SPATA1: variants seen among roughly 807,000 people sequenced by gnomAD.
The protein encoded by SPATA1 is spermatogenesis-associated protein 1.
A neutral mutation model predicts 59.6 loss-of-function variants in SPATA1; 57 were observed. The ratio of observed to expected loss-of-function variants is 0.96; its 90% CI spans 0.77 to 1.19. The LOEUF (loss-of-function observed/expected upper bound fraction) is 1.19, where lower values mean the gene tolerates loss of function less well. SPATA1 is among the 50% of genes most tolerant of loss of function. SPATA1 has a pLI of 0.00. For synonymous variants in SPATA1, 147 were observed against 163.9 expected (o/e 0.90, Z 0.79); for missense variants, 448 against 480.7 (o/e 0.93, Z 0.64).
At chr1:84,526,215 T>G (rs1683217604) in intron 6 of SPATA1, 142 bp downstream of exon 6, 1 of 639,256 alleles carries the variant, frequency 1.6e-6, no homozygotes, top group African/African-American at 1.8e-5. Context: ...CTTGGGGATT[T>G]CTAAAAAAAT....
chr1:84,522,642 C>A, intron 4 of SPATA1, 135 bp downstream of exon 4: 1 of 435,072 alleles, frequency 2.3e-6, no homozygotes, highest in South Asian at 8.6e-5. Context: ...ATGGAAATAT[C>A]ATTAAACATA....
intron 1 of SPATA1, among the ~76,000 whole-genome samples, chr1:84,508,467 G>T (rs895803998): frequency 6.6e-6 from 1 of 152,176 alleles, no homozygotes; most frequent in African/African-American, 2.4e-5. Context: ...GATGCTCACT[G>T]TTCAGTTGGT....
chr1:84,513,140 A>G (rs971976141), intron 1 of SPATA1, among the ~76,000 whole-genome samples: 2 of 152,146 alleles, frequency 1.3e-5, no homozygotes, highest in African/African-American at 2.4e-5. Flanking sequence ...GTTTTTTGTT[A>G]CAGAGTTTCG....
intron 1 of SPATA1, among the ~76,000 whole-genome samples, chr1:84,513,500 A>G (rs1682663299): frequency 6.6e-6 from 1 of 152,230 alleles, no homozygotes; most frequent in Non-Finnish European, 1.5e-5. Flanking sequence ...AAGTTAGCAC[A>G]AGCAATGAGG....
chr1:84,526,138 G>C (rs1344344556), intron 6 of SPATA1, 65 bp downstream of exon 6: 1 of 1,376,878 alleles, frequency 7.3e-7, no homozygotes, highest in Non-Finnish European at 1.0e-6. Flanking sequence ...AGTCAAGTCT[G>C]TAAGCAAACC....
intron 1 of SPATA1, among the ~76,000 whole-genome samples, chr1:84,514,517 A>C (rs1201766112): frequency 6.6e-6 from 1 of 152,202 alleles, no homozygotes; most frequent in East Asian, 1.9e-4. Flanking sequence ...TTGGAGCATC[A>C]TGTCAGCATT....
chr1:84,562,638 CTG>C (rs200973086), intron 4 of SPATA1, among the ~76,000 whole-genome samples: 2,391 of 152,208 alleles, frequency 0.016, 78 homozygotes, highest in African/African-American at 0.054. Context: ...ATTATGAAAA[CTG>C]TAACTTTTCT....
chr1:84,546,328 G>A lies in SPATA1; in HGVS notation c.946+569G>A, dbSNP rs140632709. ...AATTAGCCTAGCCAGGTGTGGTGGT[G>A]GGCACCTGTAGCCCCAGTGACTGCA... On this transcript the variant is annotated intron_variant, in intron 10 of 12. Transcript: ENST00000490879. Among the ~76,000 whole-genome samples, 601 of 152,082 alleles carry A rather than the reference G, an allele frequency of 4.0e-3. 3 individuals are homozygous for A. The highest frequency in any genetic ancestry group is 6.1e-3 in the Non-Finnish European group (416 of 67,952).
At chr1:84,565,176 G>A (rs1393353407) in intron 4 of SPATA1, among the ~76,000 whole-genome samples, 1 of 151,994 alleles carries the variant, frequency 6.6e-6, no homozygotes, top group African/African-American at 2.4e-5. Context: ...TCCAGCCTGG[G>A]TGATGGAGTG....
intron 1 of SPATA1, among the ~76,000 whole-genome samples, chr1:84,515,722 T>A (rs2659173): frequency 0.46 from 70,500 of 151,946 alleles, 18,243 homozygotes; most frequent in African/African-American, 0.7. Flanking sequence ...GAAGCCTGAT[T>A]TATTTAAAGA....
At chr1:84,509,085 C>A (rs190284971) in intron 1 of SPATA1, among the ~76,000 whole-genome samples, 1 of 152,108 alleles carries the variant, frequency 6.6e-6, no homozygotes, top group East Asian at 1.9e-4. Context: ...TTATACAGAA[C>A]CATAAAAGAC....
chr1:84,507,305 CTAAT>C (rs1558559704), intron 1 of SPATA1: 2 of 152,152 alleles, frequency 1.3e-5, no homozygotes, highest in Non-Finnish European at 2.9e-5. Flanking sequence ...TCAACAAAAT[CTAAT>C]TTATTTACTC....
Position 84,553,034 on chromosome 1 carries a change from GATGAGAA to G in SPATA1, c.1226_1232del (p.Met409AsnfsTer10), listed in dbSNP as rs1172538306. ...TTTTTGAAAAGTAATTCTTTTTATA[GATGAGAA>G]AACAAGCAGTTTCAGATTTACGAAC... is the stretch of plus-strand genomic sequence containing the variant. On this transcript the variant is annotated frameshift_variant and splice_region_variant, in exon 13 of 13. Coordinates refer to ENST00000490879, the Ensembl canonical transcript of SPATA1. LOFTEE classifies it high-confidence loss of function. The G allele has an allele frequency of 6.6e-7, 1 of 1,509,598 alleles. No individual in the cohort carries two copies. Among genetic ancestry groups the G allele is most frequent in the Non-Finnish European group, 8.9e-7 (1 of 1,127,292 alleles). The allele number at this position is 1,509,598 out of a possible 1,614,324, so 93.5% of individuals were successfully genotyped here.
At chr1:84,512,312 CACTT>C (rs1287090970) in intron 1 of SPATA1, among the ~76,000 whole-genome samples, 1 of 152,154 alleles carries the variant, frequency 6.6e-6, no homozygotes, top group African/African-American at 2.4e-5. Context: ...GAGTTCAAGT[CACTT>C]ACCACTAAGA....
rs537032019 is a variant in SPATA1 at position 84,544,322 on chromosome 1, G to T, written c.820+18G>T. 1 of 1,510,468 alleles carries T rather than the reference G, an allele frequency of 6.6e-7. No individual in the cohort carries two copies. Among genetic ancestry groups the T allele is most frequent in the African/African-American group, 1.4e-5 (1 of 72,564 alleles). 93.6% of individuals were successfully genotyped at this position (1,510,468 alleles called of 1,614,324 possible). ...AACTGAAAGTAAGTATAGTGCAATC[G>T]TAAGTACAGATGATTCTGTGAGGTA... On this transcript the variant is annotated intron_variant, in intron 9 of 12. Coordinates refer to ENST00000490879, the Ensembl canonical transcript of SPATA1.
At chr1:84,525,334 A>AAAT (rs1210166463) in intron 4 of SPATA1, among the ~76,000 whole-genome samples, 1 of 152,202 alleles carries the variant, frequency 6.6e-6, no homozygotes, top group Non-Finnish European at 1.5e-5. Flanking sequence ...GTAGGAAATA[A>AAAT]AATAAAGTTT....
chr1:84,553,136 T>A, exon 13 of SPATA1: 1 of 1,393,424 alleles, frequency 7.2e-7, no homozygotes, highest in Non-Finnish European at 9.6e-7. Flanking sequence ...TATGTTAATT[T>A]AAAACTTTTA....
intron 4 of SPATA1, among the ~76,000 whole-genome samples, chr1:84,559,707 AAT>A (rs1472448474): frequency 6.6e-6 from 1 of 152,196 alleles, no homozygotes; most frequent in Non-Finnish European, 1.5e-5. Flanking sequence ...AGAGGAAGAA[AAT>A]AGTTATAATT....
intron 9 of SPATA1, among the ~76,000 whole-genome samples, chr1:84,544,550 T>C (rs1009799929): frequency 6.6e-6 from 1 of 151,776 alleles, no homozygotes; most frequent in African/African-American, 2.4e-5. Flanking sequence ...AGTTAAATTA[T>C]AGGAATTTTA....
Sources: gnomAD v4.1 joint callset for allele counts (sites outside exome capture counted in the v4.1 genomes callset) on GRCh38, gnomAD v4.1.1 for gene constraint, MANE v1.5 for transcripts, NCBI Gene and HGNC (gene_info 2026-07-23, HGNC 2026-07-21) for gene names.